Variants in G3BP2 observed in about 807,000 individuals in gnomAD.
G3BP2 encodes the protein ras GTPase-activating protein-binding protein 2.
A neutral mutation model predicts 56.7 loss-of-function variants in G3BP2; 11 were observed. That is an observed-to-expected ratio of 0.19 (90% CI 0.12 to 0.32). The LOEUF (loss-of-function observed/expected upper bound fraction) is 0.32, where lower values mean the gene tolerates loss of function less well. Ranked by LOEUF, G3BP2 falls within the 10% of genes least tolerant of loss-of-function variation. The pLI, the probability that G3BP2 is intolerant of heterozygous loss-of-function variation, is 1.00. For missense variants in G3BP2, 340 were observed against 610.9 expected (o/e 0.56, Z 4.67); for synonymous variants, 165 against 191.6 (o/e 0.86, Z 1.15).
At chr4:75,702,138 C>T (rs1719368676) in intron 3 of G3BP2, among the ~76,000 whole-genome samples, 1 of 150,460 alleles carries the variant, frequency 6.6e-6, no homozygotes, top group South Asian at 2.1e-4. Flanking sequence ...AGTGCCGTTC[C>T]CCCCTACCTT....
chr4:75,672,953 C>T, intron 1 of G3BP2: 7 of 969,822 alleles, frequency 7.2e-6, no homozygotes, highest in Non-Finnish European at 8.6e-6. Context: ...CCTGTGCACT[C>T]GGAGCCCTCT....
Position 75,644,129 on chromosome 4 carries a change from T to C in G3BP2, c.*1301A>G, listed in dbSNP as rs769968949. On this transcript the variant is annotated 3_prime_UTR_variant, in exon 12 of 12. Transcript: ENST00000359707. ...TCTCCGAAAATTGCAGTATCCTCAC[T>C]TCAGGCTTACTTGCCATTTATAGAA... 1 of 152,656 alleles carries C rather than the reference T, an allele frequency of 6.6e-6. No homozygotes were observed. The highest frequency in any genetic ancestry group is 1.5e-5 in the Non-Finnish European group (1 of 68,044). The allele number at this position is 152,656 out of a possible 1,614,324, so 9.5% of individuals were successfully genotyped here. A position where few individuals can be genotyped will look rare whatever the true frequency, so the allele number is the denominator to read the frequency against.
intron 8 of G3BP2, among the ~76,000 whole-genome samples, chr4:75,650,427 A>C (rs4859541): frequency 0.41 from 33,442 of 82,204 alleles, 3,918 homozygotes; most frequent in East Asian, 0.66. Flanking sequence ...ACTCCATCTC[A>C]AAAAAAAAAA....
chr4:75,647,019 A>T lies in G3BP2; in HGVS notation c.1057+10T>A. On this transcript the variant is annotated intron_variant, in intron 10 of 11. Coordinates refer to ENST00000359707, the MANE Select transcript of G3BP2 (RefSeq NM_203505.3). ...ATTTAAAAACTCCAACAGCAAAATAAATCACTTACTCATGAAGAATTCCTT... is the reference window on the plus strand; with the variant it reads ...ATTTAAAAACTCCAACAGCAAAATATATCACTTACTCATGAAGAATTCCTT... 2 of 1,553,416 alleles carry T rather than the reference A, an allele frequency of 1.3e-6. No homozygotes were observed. The highest frequency in any genetic ancestry group is 1.9e-5 in the Admixed American group (1 of 51,450).
intron 8 of G3BP2, among the ~76,000 whole-genome samples, chr4:75,653,056 G>A (rs1360758859): frequency 6.6e-6 from 1 of 150,554 alleles, no homozygotes; most frequent in Non-Finnish European, 1.5e-5. Context: ...AACTCTGGGT[G>A]ACCATCTTAC....
At chr4:75,711,599 C>G (rs1353883766) in intron 3 of G3BP2, among the ~76,000 whole-genome samples, 7 of 151,424 alleles carry the variant, frequency 4.6e-5, no homozygotes, top group Admixed American at 4.6e-4. Flanking sequence ...TGTAATCCCA[C>G]CTACTCAGGA....
intron 3 of G3BP2, among the ~76,000 whole-genome samples, chr4:75,683,290 G>A (rs1292470034): frequency 1.7e-4 from 26 of 152,076 alleles, no homozygotes; most frequent in Non-Finnish European, 3.7e-4. Flanking sequence ...GGCCGAGCAC[G>A]GTAGCTCACA....
chr4:75,645,504 C>T lies in G3BP2; in HGVS notation c.1375G>A (p.Gly459Ser), dbSNP rs372322395. The T allele has an allele frequency of 1.2e-6, 2 of 1,613,954 alleles. No individual in the cohort carries two copies. The highest frequency in any genetic ancestry group is 1.7e-6 in the Non-Finnish European group (2 of 1,180,004). Residue 459 changes from glycine (G) to serine (S), a missense_variant, in exon 12 of 12, where the codon GGC becomes AGC. This residue lies in a region of G3BP2 where 94 missense variants were observed against 173.8 expected (regional missense o/e 0.54). Transcript: ENST00000359707. The stretch of plus-strand genomic sequence containing the variant: ...CCAGAGCCAAGTTTCTGTGCCATGC[C>T]ACCCCTTGGAGGAGGTCCTCTTCCA... ...RDGRGPPPRG[G>S]MAQKLGSGRG...
upstream of G3BP2, among the ~76,000 whole-genome samples, chr4:75,676,265 G>T (rs1438691082): frequency 6.6e-6 from 1 of 151,876 alleles, no homozygotes; most frequent in Admixed American, 6.6e-5. Flanking sequence ...AGTGTGAACG[G>T]TATTCATTCG....
rs555660387 is a variant in G3BP2 at position 75,672,237 on chromosome 4, T to C, written c.-25+971A>G. On this transcript the variant is annotated intron_variant, in intron 1 of 11. Transcript: ENST00000359707. ...ATCCGTTAGAACATTAAGTATGTCT[T>C]GGGGAAAAAAGCTGATCTATGCAGG... Among the ~76,000 whole-genome samples, 6 of 152,214 alleles carry C rather than the reference T, an allele frequency of 3.9e-5. No homozygotes were observed. In the South Asian group the frequency reaches 1.2e-3, roughly 32 times the overall value.
At chr4:75,659,465 C>T (rs1039089274) in intron 2 of G3BP2, among the ~76,000 whole-genome samples, 1 of 152,096 alleles carries the variant, frequency 6.6e-6, no homozygotes, top group Non-Finnish European at 1.5e-5. Flanking sequence ...CATCTAATTT[C>T]TTTTTAATAT....
chr4:75,695,607 A>G (rs761193557), intron 3 of G3BP2, among the ~76,000 whole-genome samples: 18 of 152,194 alleles, frequency 1.2e-4, no homozygotes, highest in Non-Finnish European at 2.4e-4. Context: ...CAAAGCCTAT[A>G]GAGGAGCCAC....
chr4:75,665,376 ATTGATTT>A (rs1301501573), intron 1 of G3BP2, among the ~76,000 whole-genome samples: 1 of 152,226 alleles, frequency 6.6e-6, no homozygotes, highest in Non-Finnish European at 1.5e-5. Context: ...TTCAGGTGTC[ATTGATTT>A]TCCAGAAAAC....
rs1731087983 is a variant in G3BP2, at chr4:75,644,733, G to A, written c.*697C>T. On this transcript the variant is annotated 3_prime_UTR_variant, in exon 12 of 12. Coordinates refer to ENST00000359707, the MANE Select transcript of G3BP2 (RefSeq NM_203505.3). ...TCTAATAGTCAAGACCATCGCATTTGAAGTTCTAATTTTTATTATTTAGTT... is the reference window on the plus strand; with the variant it reads ...TCTAATAGTCAAGACCATCGCATTTAAAGTTCTAATTTTTATTATTTAGTT... The A allele has an allele frequency of 1.3e-5, 2 of 152,736 alleles. No individual in the cohort carries two copies. The highest frequency in any genetic ancestry group is 4.1e-4 in the South Asian group (2 of 4,834). 9.5% of individuals were successfully genotyped at this position (152,736 alleles called of 1,614,324 possible).
At chr4:75,714,610 A>G (rs1282088929) in intron 3 of G3BP2, among the ~76,000 whole-genome samples, 1 of 152,224 alleles carries the variant, frequency 6.6e-6, no homozygotes, top group Non-Finnish European at 1.5e-5. Flanking sequence ...CCTGGGCAAC[A>G]AAAGTGAAAC....
chr4:75,698,389 C>T (rs1313868270), intron 3 of G3BP2, among the ~76,000 whole-genome samples: 5 of 152,164 alleles, frequency 3.3e-5, no homozygotes. Context: ...TTTCCTAGAG[C>T]CTTCAGAAGG....
chr4:75,701,671 G>A (rs1410966692), intron 3 of G3BP2, among the ~76,000 whole-genome samples: 2 of 152,080 alleles, frequency 1.3e-5, no homozygotes, highest in African/African-American at 2.4e-5. Context: ...CAGGTGATCC[G>A]CCCACCTCAG....
rs568443932 is a variant in G3BP2 at position 75,655,789 on chromosome 4, T to A, written c.524A>T (p.Tyr175Phe). The A allele has an allele frequency of 6.3e-7, 1 of 1,587,038 alleles. No homozygotes were observed. Among genetic ancestry groups the A allele is most frequent in the South Asian group, 1.1e-5 (1 of 90,540 alleles). ...EPVQENANSG[Y>F]YEAHPVTNGI... The stretch of plus-strand genomic sequence containing the variant: ...TTACGTCACAGGGTGAGCTTCATAG[T>A]AACCACTGTTAGCATTTTCTTGCAC... The change falls in exon 6 of 12, where the codon TAC (tyrosine) becomes TTC (phenylalanine). Residue 175 changes from tyrosine to phenylalanine, a missense_variant. Physicochemically the swap from Tyr to Phe is conservative, Grantham distance 22. This residue lies in a region of G3BP2 where 224 missense variants were observed against 332.5 expected (regional missense o/e 0.67). Coordinates refer to ENST00000359707, the MANE Select transcript of G3BP2 (RefSeq NM_203505.3).
chr4:75,670,402 T>C (rs935760086), intron 1 of G3BP2: 4 of 152,334 alleles, frequency 2.6e-5, no homozygotes, highest in South Asian at 2.1e-4. Flanking sequence ...TGGTACACCA[T>C]TGAATGAAAG....
Sources: gnomAD v4.1 joint callset for allele counts (sites outside exome capture counted in the v4.1 genomes callset) on GRCh38, gnomAD v4.1.1 for gene constraint, gnomAD v4.1.1 regional missense constraint, MANE v1.5 for transcripts, NCBI Gene and HGNC (gene_info 2026-07-23, HGNC 2026-07-21) for gene names.